Variants in SLC2A13 observed in about 807,000 individuals in gnomAD.
The protein encoded by SLC2A13 is solute carrier family 2 member 13.
Under a neutral mutation model 64.4 loss-of-function variants are expected in SLC2A13, and 32 were observed. That is an observed-to-expected ratio of 0.50 (90% CI 0.37 to 0.67). The LOEUF is 0.67. Ranked by LOEUF, SLC2A13 falls within the 30% of genes least tolerant of loss-of-function variation. SLC2A13 has a pLI of 0.00. For synonymous variants in SLC2A13, 338 were observed against 327.1 expected, an observed-to-expected ratio of 1.03 and a Z score of -0.36; for missense variants, 743 against 829.2, an observed-to-expected ratio of 0.90 and a Z score of 1.28.
In SLC2A13 at chr12:39,759,550, A is replaced by C. The variant is rs1477604776; in HGVS notation, c.*476T>G. ...GGAATTTAGTTTGTAACAGCTGATC[A>C]GAGATAAGCCACTACTCTGTAGGAA... On this transcript the variant is annotated 3_prime_UTR_variant, in exon 10 of 10. Coordinates refer to ENST00000280871, the MANE Select transcript of SLC2A13 (RefSeq NM_052885.4). 2.0e-5 allele frequency: 3 copies of C among 153,240 alleles called. No homozygotes were observed. The highest frequency in any genetic ancestry group is 2.9e-5 in the Non-Finnish European group (2 of 68,508). 9.5% of individuals were successfully genotyped at this position (153,240 alleles called of 1,614,324 possible). A position where few individuals can be genotyped will look rare whatever the true frequency, so the allele number is the denominator to read the frequency against.
intron 7 of SLC2A13, among the ~76,000 whole-genome samples, chr12:39,783,492 G>T (rs1002685288): frequency 5.9e-5 from 9 of 152,156 alleles, no homozygotes; most frequent in Non-Finnish European, 1.0e-4. Flanking sequence ...CACCAACAGT[G>T]TAAAAGTGTT....
intron 1 of SLC2A13, among the ~76,000 whole-genome samples, chr12:40,070,208 T>C (rs1439386484): frequency 6.7e-6 from 1 of 148,748 alleles, no homozygotes; most frequent in Non-Finnish European, 1.5e-5. Context: ...AGAGACAGGG[T>C]AAAGAGTGCC....
chr12:39,993,813 C>G (rs1233576222), intron 3 of SLC2A13, among the ~76,000 whole-genome samples: 2 of 152,142 alleles, frequency 1.3e-5, no homozygotes, highest in African/African-American at 2.4e-5. Flanking sequence ...AATTCAAAAG[C>G]CTACAAATAT....
At chr12:39,877,996 CCTA>C (rs1307742882) in intron 4 of SLC2A13, among the ~76,000 whole-genome samples, 1 of 152,142 alleles carries the variant, frequency 6.6e-6, no homozygotes, top group African/African-American at 2.4e-5. Flanking sequence ...GACCCACTCT[CCTA>C]CTGCTTGCTC....
intron 3 of SLC2A13, among the ~76,000 whole-genome samples, chr12:39,997,321 T>C (rs943534178): frequency 1.3e-5 from 2 of 152,134 alleles, no homozygotes; most frequent in Admixed American, 6.5e-5. Flanking sequence ...CCTGAAATAA[T>C]TGGCTAGCCA....
intron 3 of SLC2A13, among the ~76,000 whole-genome samples, chr12:40,009,276 A>G (rs1173494004): frequency 6.6e-6 from 1 of 152,182 alleles, no homozygotes; most frequent in African/African-American, 2.4e-5. Flanking sequence ...GTTAACTTAA[A>G]CTAATTAAAG....
intron 4 of SLC2A13, among the ~76,000 whole-genome samples, chr12:39,929,729 G>A (rs575945955): frequency 2.6e-5 from 4 of 152,146 alleles, no homozygotes; most frequent in African/African-American, 9.6e-5. Context: ...ATGGATTATG[G>A]GTGTTTCTCA....
At chr12:39,913,375 C>T (rs1351301461) in intron 4 of SLC2A13, among the ~76,000 whole-genome samples, 1 of 150,996 alleles carries the variant, frequency 6.6e-6, no homozygotes, top group East Asian at 1.9e-4. Context: ...TAGAAAAGAT[C>T]GAAAAAATAA....
At chr12:40,053,100 G>T (rs1394954391) in intron 1 of SLC2A13, among the ~76,000 whole-genome samples, 3 of 151,952 alleles carry the variant, frequency 2.0e-5, no homozygotes, top group Non-Finnish European at 4.4e-5. Flanking sequence ...GGCCAACATA[G>T]TGAAACCCTG....
chr12:39,966,701 A>C (rs1304431812), intron 3 of SLC2A13, among the ~76,000 whole-genome samples: 1 of 152,130 alleles, frequency 6.6e-6, no homozygotes, highest in Non-Finnish European at 1.5e-5. Flanking sequence ...GCCATAGCAC[A>C]GGATAGATTT....
At chr12:40,003,988 C>A (rs146324529) in intron 3 of SLC2A13, among the ~76,000 whole-genome samples, 24 of 151,384 alleles carry the variant, frequency 1.6e-4, no homozygotes, top group Non-Finnish European at 2.7e-4. Context: ...AGCAAAACTC[C>A]ATCTCAAAAA....
intron 4 of SLC2A13, among the ~76,000 whole-genome samples, chr12:39,920,188 T>C (rs546586653): frequency 1.3e-5 from 2 of 152,262 alleles, no homozygotes; most frequent in East Asian, 3.9e-4. Context: ...TGTATGTATA[T>C]GTGTATGTGT....
intron 3 of SLC2A13, among the ~76,000 whole-genome samples, chr12:39,994,021 T>C (rs145119081): frequency 3.5e-4 from 53 of 152,260 alleles, no homozygotes; most frequent in African/African-American, 1.2e-3. Context: ...AAATAAAATG[T>C]AATAACTGTA....
chr12:39,937,879 T>A, intron 4 of SLC2A13, among the ~76,000 whole-genome samples: 1 of 152,154 alleles, frequency 6.6e-6, no homozygotes, highest in East Asian at 1.9e-4. Flanking sequence ...GACATAAATC[T>A]AAGATGAAAA....
rs1940065570 is a variant in SLC2A13 at position 39,759,697 on chromosome 12, A to G, written c.*329T>C. The G allele has an allele frequency of 8.5e-6, 2 of 234,986 alleles. No homozygotes were observed. The highest frequency in any genetic ancestry group is 4.7e-5 in the African/African-American group (2 of 42,938). The allele number at this position is 234,986 out of a possible 1,614,324, so 14.6% of individuals were successfully genotyped here. On this transcript the variant is annotated 3_prime_UTR_variant, in exon 10 of 10. Transcript: ENST00000280871. ...ATTAGCACTGACTCTGTTGCCACTA[A>G]TAATTATAAATGGTCTTAGGAAAAA...
At position 39,760,060 on chromosome 12, in the gene SLC2A13, T is replaced by G. The variant is rs763161899; in HGVS notation, c.1913A>C (p.His638Pro). Residue 638 changes from histidine (H) to proline (P), a missense_variant, in exon 10 of 10, where the codon CAT becomes CCT. Physicochemically the swap from His to Pro is moderately conservative, Grantham distance 77. Around this residue, in one of 2 missense-constraint regions of SLC2A13, gnomAD observed 295 missense variants for 381.7 expected, o/e 0.77. Transcript: ENST00000280871. ...EYIRVKGSNY[H>P]LSDNDASDVE ...ATCAGAAGCATCATTGTCAGAAAGA[T>G]GATAGTTACTTCCCTTTACCCGAAT... The G allele has an allele frequency of 6.2e-7, 1 of 1,612,524 alleles. No homozygotes were observed. The highest frequency in any genetic ancestry group is 8.5e-7 in the Non-Finnish European group (1 of 1,179,174).
chr12:39,794,380 A>G (rs1941506528), intron 7 of SLC2A13, among the ~76,000 whole-genome samples: 1 of 152,168 alleles, frequency 6.6e-6, no homozygotes, highest in Non-Finnish European at 1.5e-5. Flanking sequence ...ATAAATTGGT[A>G]TTGTTAAATT....
At position 40,021,901 on chromosome 12, in the gene SLC2A13, C is replaced by T. The variant is rs537617494; in HGVS notation, c.925+6400G>A. 3.7e-4 allele frequency among the ~76,000 whole-genome samples: 56 copies of T among 152,146 alleles called. No homozygotes were observed. The South Asian group carries it at 4.6e-3, about 12-fold the overall frequency. ...ATACAGAAGAATTTCTATCAAAATA[C>T]GATAAATATTTACCCCCTCTGACCT... On this transcript the variant is annotated intron_variant, in intron 3 of 9. Transcript: ENST00000280871.
chr12:40,030,181 T>A (rs1363306750), intron 2 of SLC2A13, among the ~76,000 whole-genome samples: 1 of 152,160 alleles, frequency 6.6e-6, no homozygotes. Context: ...GCTCTGCAAA[T>A]TTACTTGCTC....
Sources: allele counts gnomAD v4.1 joint callset (sites outside exome capture counted in the v4.1 genomes callset), GRCh38; gene constraint gnomAD v4.1.1; regional missense constraint gnomAD v4.1.1; transcripts MANE v1.5; gene names NCBI Gene and HGNC (gene_info 2026-07-23, HGNC 2026-07-21).